Variants in PPEF1 observed in about 807,000 individuals in gnomAD.
PPEF1 encodes the protein serine/threonine-protein phosphatase with EF-hands 1.
In PPEF1, 12 loss-of-function variants were observed where a neutral mutation model predicts 53.3. That is an observed-to-expected ratio of 0.23 (90% CI 0.14 to 0.36). The LOEUF (loss-of-function observed/expected upper bound fraction) is 0.36, where lower values mean the gene tolerates loss of function less well. Among genes scored for constraint, PPEF1 ranks in the 10% least tolerant of loss-of-function variants. The pLI is 1.00. For missense variants in PPEF1, 334 were observed against 490.4 expected (o/e 0.68, Z 3.01); for synonymous variants, 165 against 176.7 (o/e 0.93, Z 0.52).
chrX:18,701,158 GTAAATAGTAGTCCCTTAA>G, intron 6 of PPEF1, among the ~76,000 whole-genome samples: 1 of 112,152 alleles, frequency 8.9e-6, no homozygotes, highest in Non-Finnish European at 1.9e-5. Context: ...ACTATGCTGG[GTAAATAGTAGTCCCTTAA>G]TAAATAGTAG....
intron 6 of PPEF1, among the ~76,000 whole-genome samples, chrX:18,768,135 C>G (rs747796590): frequency 5.4e-5 from 6 of 111,783 alleles, no homozygotes; most frequent in Admixed American, 1.9e-4. Flanking sequence ...AGTGGCCGTG[C>G]TTTCACTTAC....
intron 1 of PPEF1, among the ~76,000 whole-genome samples, chrX:18,714,130 C>T (rs1407509540): frequency 9.0e-6 from 1 of 111,462 alleles, no homozygotes; most frequent in Non-Finnish European, 1.9e-5. Context: ...GATTACTAAC[C>T]ATATTCCAAA....
intron 3 of PPEF1, among the ~76,000 whole-genome samples, chrX:18,742,259 G>A (rs1197054259): frequency 1.8e-5 from 2 of 111,943 alleles, no homozygotes; most frequent in Non-Finnish European, 3.8e-5. Context: ...TGATTTAAAT[G>A]GTGCTGCTAT....
At chrX:18,737,727 A>G (rs2045022334) in intron 3 of PPEF1, among the ~76,000 whole-genome samples, 1 of 110,445 alleles carries the variant, frequency 9.1e-6, no homozygotes, top group African/African-American at 3.3e-5. Context: ...GTGGGGTGTT[A>G]AAGTCTCCCA....
intron 6 of PPEF1, 78 bp from the exon 7 acceptor site, chrX:18,778,932 G>A: frequency 3.2e-6 from 3 of 931,653 alleles, no homozygotes; most frequent in Non-Finnish European, 4.4e-6. Context: ...CATATTAACA[G>A]GGATGTTATG....
intron 2 of PPEF1, among the ~76,000 whole-genome samples, chrX:18,732,983 C>T (rs764735777): frequency 1.8e-5 from 2 of 111,881 alleles, no homozygotes; most frequent in Non-Finnish European, 3.8e-5. Context: ...GCAGGTGGAT[C>T]ACCTGAGGTC....
upstream of PPEF1, among the ~76,000 whole-genome samples, chrX:18,680,429 C>CTTTTTTTT (rs769412688): frequency 1.3e-4 from 10 of 78,674 alleles, no homozygotes; most frequent in African/African-American, 1.5e-4. Context: ...AATTTCTTCT[C>CTTTTTTTT]TTTTTTTTTT....
chrX:18,810,161 GTGGAATTTA>G (rs1283291858), intron 12 of PPEF1, among the ~76,000 whole-genome samples: 2 of 108,916 alleles, frequency 1.8e-5, no homozygotes, highest in Non-Finnish European at 3.8e-5. Context: ...ATTTTACAAT[GTGGAATTTA>G]TGGAATTTAT....
At chrX:18,795,836 G>A (rs766859659) in intron 10 of PPEF1, among the ~76,000 whole-genome samples, 1 of 112,103 alleles carries the variant, frequency 8.9e-6, no homozygotes, top group Non-Finnish European at 1.9e-5. Flanking sequence ...TAAATGATGG[G>A]TCTGGTTTTG....
chrX:18,732,204 A>G lies in PPEF1; in HGVS notation c.175-1544A>G, dbSNP rs2044853994. On this transcript the variant is annotated intron_variant, in intron 2 of 15. Coordinates refer to ENST00000470157, the MANE Select transcript of PPEF1 (RefSeq NM_001377996.1). ...CATTCCTTTTTAGTTAATATTACTC[A>G]TTCCGAAGAATATTCCATTGTATGG... Among the ~76,000 whole-genome samples the G allele has an allele frequency of 4.4e-5, 5 of 112,931 alleles. 1 individual carries two copies. Among genetic ancestry groups the G allele is most frequent in the Admixed American group, 3.7e-4 (4 of 10,704 alleles).
At chrX:18,801,514 T>C (rs2046545557) in intron 10 of PPEF1, among the ~76,000 whole-genome samples, 1 of 112,005 alleles carries the variant, frequency 8.9e-6, no homozygotes, top group Non-Finnish European at 1.9e-5. Context: ...GTGGAAAATA[T>C]AGACTGTTAG....
intron 1 of PPEF1, among the ~76,000 whole-genome samples, chrX:18,718,835 C>G (rs2044517937): frequency 8.9e-6 from 1 of 112,074 alleles, no homozygotes; most frequent in South Asian, 3.7e-4. Flanking sequence ...ATTCAGAACG[C>G]TTTTCTTATA....
At chrX:18,700,425 AG>A (rs1185931830) in exon 6 of PPEF1, 1 of 107,781 alleles carries the variant, frequency 9.3e-6, no homozygotes. Flanking sequence ...TTGGCCAAGC[AG>A]AAGAAACAGG....
At chrX:18,745,338 C>G (rs759705436) in intron 3 of PPEF1, among the ~76,000 whole-genome samples, 1 of 104,963 alleles carries the variant, frequency 9.5e-6, no homozygotes, top group African/African-American at 3.5e-5. Flanking sequence ...CTCAGGCTCC[C>G]GAGTAGCTGG....
intron 1 of PPEF1, among the ~76,000 whole-genome samples, chrX:18,710,890 C>T (rs747765657): frequency 1.8e-5 from 2 of 110,753 alleles, no homozygotes; most frequent in Admixed American, 9.7e-5. Context: ...TTATGTTTAC[C>T]GCAGCACTAT....
intron 9 of PPEF1, among the ~76,000 whole-genome samples, chrX:18,787,160 A>G (rs1602452021): frequency 1.8e-5 from 2 of 112,013 alleles, no homozygotes; most frequent in South Asian, 7.4e-4. Context: ...CAGATGAGAC[A>G]TAAAAGTAGA....
upstream of PPEF1, among the ~76,000 whole-genome samples, chrX:18,682,876 A>G (rs1928931250): frequency 1.8e-5 from 2 of 111,257 alleles, no homozygotes; most frequent in South Asian, 7.6e-4. Flanking sequence ...AATAAAGACA[A>G]ACCCCAGACT....
At chrX:18,788,133 G>C (rs184136659) in intron 9 of PPEF1, among the ~76,000 whole-genome samples, 1 of 109,707 alleles carries the variant, frequency 9.1e-6, no homozygotes, top group African/African-American at 3.3e-5. Context: ...TGGCTAACAC[G>C]GTGACACCCC....
intron 3 of PPEF1, among the ~76,000 whole-genome samples, chrX:18,745,232 G>A (rs1292735510): frequency 2.2e-5 from 2 of 90,867 alleles, no homozygotes; most frequent in South Asian, 4.8e-4. Flanking sequence ...ATTTATTTTC[G>A]AGACAGGGTC....
Sources: gnomAD v4.1 joint callset for allele counts (sites outside exome capture counted in the v4.1 genomes callset) on GRCh38, gnomAD v4.1.1 for gene constraint, MANE v1.5 for transcripts, NCBI Gene and HGNC (gene_info 2026-07-23, HGNC 2026-07-21) for gene names.